Variants in HSPA12A observed in about 807,000 individuals in gnomAD.
HSPA12A encodes heat shock protein family A (Hsp70) member 12A, also known as heat shock 70 kDa protein 12A.
Under a neutral mutation model 69.2 loss-of-function variants are expected in HSPA12A, and 28 were observed. The observed-to-expected ratio is 0.40, with a 90% CI of 0.30 to 0.55. HSPA12A has a LOEUF of 0.55. HSPA12A is among the 20% of genes least tolerant of loss of function. The pLI, the probability that HSPA12A is intolerant of heterozygous loss-of-function variation, is 0.38. For synonymous variants in HSPA12A, 345 were observed against 370.5 expected, an observed-to-expected ratio of 0.93 and a Z score of 0.79; for missense variants, 686 against 900.7, an observed-to-expected ratio of 0.76 and a Z score of 3.05.
intron 2 of HSPA12A, among the ~76,000 whole-genome samples, chr10:116,769,770 A>G (rs555505061): frequency 1.3e-5 from 2 of 152,372 alleles, no homozygotes; most frequent in Admixed American, 6.5e-5. Flanking sequence ...TCCAAAGACA[A>G]CAGGGAGAGA....
chr10:116,781,512 G>T (rs530587911), intron 2 of HSPA12A, among the ~76,000 whole-genome samples: 161 of 152,090 alleles, frequency 1.1e-3, no homozygotes, highest in African/African-American at 3.9e-3. Context: ...GGGGAGGAGT[G>T]GGGAGGGGTG....
intron 2 of HSPA12A, among the ~76,000 whole-genome samples, chr10:116,792,942 T>C (rs1015145721): frequency 6.6e-6 from 1 of 152,114 alleles, no homozygotes; most frequent in African/African-American, 2.4e-5. Flanking sequence ...AAAGAAAATA[T>C]AGATAACCTC....
At chr10:116,790,374 A>C (rs1407499612) in intron 2 of HSPA12A, among the ~76,000 whole-genome samples, 1 of 151,944 alleles carries the variant, frequency 6.6e-6, no homozygotes, top group Non-Finnish European at 1.5e-5. Flanking sequence ...AAGTGCTGGG[A>C]TTACAGGTGT....
At chr10:116,794,076 G>A (rs1399298854) in intron 2 of HSPA12A, among the ~76,000 whole-genome samples, 2 of 151,976 alleles carry the variant, frequency 1.3e-5, no homozygotes, top group East Asian at 1.9e-4. Context: ...GGTGGTGGGC[G>A]CCTGTAGTCC....
chr10:116,845,548 A>G (rs1845866686), intron 1 of HSPA12A, among the ~76,000 whole-genome samples: 1 of 152,124 alleles, frequency 6.6e-6, no homozygotes, highest in Non-Finnish European at 1.5e-5. Context: ...AGGAGAGTAC[A>G]GTCCTACCCT....
upstream of HSPA12A, among the ~76,000 whole-genome samples, chr10:116,850,745 G>A (rs1362137938): frequency 1.3e-5 from 2 of 152,158 alleles, no homozygotes; most frequent in Non-Finnish European, 2.9e-5. Context: ...TGAGCCCCTT[G>A]TGCTGCGTAC....
chr10:116,712,519 T>C (rs1850467236), intron 1 of HSPA12A, among the ~76,000 whole-genome samples: 1 of 152,172 alleles, frequency 6.6e-6, no homozygotes, highest in Non-Finnish European at 1.5e-5. Context: ...TTCATCTGGG[T>C]TCCTGCTGTA....
At chr10:116,718,355 G>A (rs1378783902) in intron 1 of HSPA12A, among the ~76,000 whole-genome samples, 1 of 152,156 alleles carries the variant, frequency 6.6e-6, no homozygotes, top group Non-Finnish European at 1.5e-5. Flanking sequence ...GAAGGTGAAG[G>A]TTCATCCTTC....
exon 2 of HSPA12A, chr10:116,834,971 T>C: frequency 1.5e-5 from 19 of 1,231,674 alleles, no homozygotes; most frequent in Non-Finnish European, 1.7e-5. Context: ...TCACACTTCA[T>C]TTTGTTCTTT....
rs1027163698 is a variant in HSPA12A at position 116,835,704 on chromosome 10, C to T, written c.4-682G>A. The stretch of plus-strand genomic sequence containing the variant: ...AGCCCCACGAACACTGGTGGGTACA[C>T]AGTAGATGCACAATACATGTTTACT... On this transcript the variant is annotated intron_variant, in intron 1 of 12. Transcript: ENST00000635765. Among the ~76,000 whole-genome samples, 4 of 152,206 alleles carry T rather than the reference C, an allele frequency of 2.6e-5. No individual in the cohort carries two copies. The East Asian group carries it at 5.8e-4, about 22-fold the overall frequency.
chr10:116,789,489 A>G (rs1287443752), intron 2 of HSPA12A, among the ~76,000 whole-genome samples: 1 of 152,160 alleles, frequency 6.6e-6, no homozygotes, highest in East Asian at 1.9e-4. Context: ...TAAAAATATT[A>G]TCCTCTCGAT....
intron 2 of HSPA12A, among the ~76,000 whole-genome samples, chr10:116,747,986 CA>C (rs1564807116): frequency 6.6e-6 from 1 of 151,984 alleles, no homozygotes; most frequent in Non-Finnish European, 1.5e-5. Flanking sequence ...GCAACGAGAG[CA>C]AAACTCCATC....
At chr10:116,715,261 C>G (rs782513009) in intron 1 of HSPA12A, among the ~76,000 whole-genome samples, 2 of 152,128 alleles carry the variant, frequency 1.3e-5, no homozygotes, top group African/African-American at 4.8e-5. Context: ...CTGACTGCCC[C>G]GGAGACCAAC....
intron 6 of HSPA12A, among the ~76,000 whole-genome samples, chr10:116,684,284 G>A (rs559833920): frequency 1.3e-5 from 2 of 152,244 alleles, no homozygotes; most frequent in East Asian, 3.9e-4. Flanking sequence ...GGAGCGGGGG[G>A]ATTCCGGACT....
At chr10:116,740,660 GTGTGTGTGTGTGTGT>G (rs1564803902) in intron 1 of HSPA12A, among the ~76,000 whole-genome samples, 1 of 60,372 alleles carries the variant, frequency 1.7e-5, no homozygotes, top group African/African-American at 6.1e-5. Flanking sequence ...GTGTGTGTGT[GTGTGTGTGTGTGTGT>G]CTGTGTGTGT....
chr10:116,817,609 T>C (rs1425405544), intron 2 of HSPA12A, among the ~76,000 whole-genome samples: 1 of 152,142 alleles, frequency 6.6e-6, no homozygotes, highest in Non-Finnish European at 1.5e-5. Flanking sequence ...ACCATAGCGA[T>C]GGGTGTCAGG....
chr10:116,764,866 TCTAA>T (rs1844044986), intron 2 of HSPA12A, among the ~76,000 whole-genome samples: 2 of 152,228 alleles, frequency 1.3e-5, no homozygotes, highest in African/African-American at 2.4e-5. Flanking sequence ...GATGTAGTAC[TCTAA>T]CTGTGTATCT....
chr10:116,705,541 T>C (rs7088370), intron 2 of HSPA12A, among the ~76,000 whole-genome samples: 1,972 of 152,326 alleles, frequency 0.013, 51 homozygotes, highest in African/African-American at 0.045. Flanking sequence ...CTCCTCTCTA[T>C]AGACCGTGCC....
chr10:116,774,297 C>T (rs1844283151), intron 2 of HSPA12A, among the ~76,000 whole-genome samples: 1 of 152,268 alleles, frequency 6.6e-6, no homozygotes, highest in South Asian at 2.1e-4. Flanking sequence ...GCGTGAGCCA[C>T]CGCGCCCGGC....
Sources: gnomAD v4.1 joint callset for allele counts (sites outside exome capture counted in the v4.1 genomes callset) on GRCh38, gnomAD v4.1.1 for gene constraint, MANE v1.5 for transcripts, NCBI Gene and HGNC (gene_info 2026-07-23, HGNC 2026-07-21) for gene names.